STRN3: variants seen among roughly 807,000 people sequenced by gnomAD.
STRN3 encodes the protein striatin-3.
A neutral mutation model predicts 95.6 loss-of-function variants in STRN3; 29 were observed. The ratio of observed to expected loss-of-function variants is 0.30; its 90% CI spans 0.23 to 0.41. The LOEUF (loss-of-function observed/expected upper bound fraction) is 0.41, where lower values mean the gene tolerates loss of function less well. STRN3 is among the 10% of genes least tolerant of loss of function. STRN3 has a pLI of 1.00. For missense variants in STRN3, 890 were observed against 972.1 expected (o/e 0.92, Z 1.12); for synonymous variants, 331 against 357.6 (o/e 0.93, Z 0.84).
intron 1 of STRN3, among the ~76,000 whole-genome samples, chr14:30,962,104 G>A (rs1017345638): frequency 1.3e-5 from 2 of 152,044 alleles, no homozygotes; most frequent in Non-Finnish European, 2.9e-5. Context: ...ATTAACCTAG[G>A]CCTTCCTAGG....
intron 9 of STRN3, among the ~76,000 whole-genome samples, chr14:30,916,419 C>T (rs1375400294): frequency 6.6e-6 from 1 of 151,522 alleles, no homozygotes; most frequent in Non-Finnish European, 1.5e-5. Context: ...GGACTACAGG[C>T]GCCCGCCACC....
chr14:30,965,943 A>G (rs1237642589), intron 1 of STRN3, among the ~76,000 whole-genome samples: 1 of 151,924 alleles, frequency 6.6e-6, no homozygotes, highest in Non-Finnish European at 1.5e-5. Flanking sequence ...TCATAAAGCA[A>G]TCTTTTTCGA....
chr14:30,946,102 T>C (rs1378689971), intron 5 of STRN3, among the ~76,000 whole-genome samples: 1 of 152,218 alleles, frequency 6.6e-6, no homozygotes, highest in Non-Finnish European at 1.5e-5. Flanking sequence ...TAACCATTGC[T>C]CATTCTAGTG....
At chr14:30,898,653 G>A (rs1206940868) in intron 16 of STRN3, among the ~76,000 whole-genome samples, 7 of 152,120 alleles carry the variant, frequency 4.6e-5, no homozygotes, top group Non-Finnish European at 1.0e-4. Flanking sequence ...TTCCAGTAAC[G>A]AGGACCTCTC....
chr14:30,982,509 G>T (rs1182973795), intron 1 of STRN3, among the ~76,000 whole-genome samples: 2 of 152,160 alleles, frequency 1.3e-5, no homozygotes, highest in Non-Finnish European at 1.5e-5. Context: ...AGGGTTTCAT[G>T]ATGTTGGCAA....
At chr14:30,921,638 C>T (rs976323196) in intron 8 of STRN3, among the ~76,000 whole-genome samples, 2 of 152,048 alleles carry the variant, frequency 1.3e-5, no homozygotes, top group African/African-American at 4.8e-5. Context: ...CTAAACCTAT[C>T]CAATATTCTA....
chr14:30,986,270 C>T (rs577307941), intron 1 of STRN3, among the ~76,000 whole-genome samples: 1 of 152,178 alleles, frequency 6.6e-6, no homozygotes. Flanking sequence ...ACACTGGCCT[C>T]CTGAAGTGTT....
intron 3 of STRN3, among the ~76,000 whole-genome samples, chr14:30,951,305 G>A (rs1252025550): frequency 6.6e-6 from 1 of 151,804 alleles, no homozygotes; most frequent in African/African-American, 2.4e-5. Flanking sequence ...GCACCATCTC[G>A]ATTCACTGCA....
intron 1 of STRN3, among the ~76,000 whole-genome samples, chr14:31,016,760 G>A (rs1420642804): frequency 1.3e-5 from 2 of 152,050 alleles, no homozygotes; most frequent in African/African-American, 4.8e-5. Flanking sequence ...GGCCAGGCTG[G>A]TCTCAAACTC....
At chr14:31,015,402 T>C (rs904449512) in intron 1 of STRN3, among the ~76,000 whole-genome samples, 2 of 151,760 alleles carry the variant, frequency 1.3e-5, no homozygotes, top group African/African-American at 4.8e-5. Flanking sequence ...GAGACGGAGT[T>C]TCATTCATCA....
intron 1 of STRN3, among the ~76,000 whole-genome samples, chr14:30,982,023 G>T (rs901448339): frequency 1.3e-5 from 2 of 148,828 alleles, no homozygotes; most frequent in Non-Finnish European, 3.0e-5. Context: ...TTGAACCCGG[G>T]AGGCAGGGAG....
intron 4 of STRN3, among the ~76,000 whole-genome samples, chr14:30,948,558 A>G (rs550480885): frequency 9.5e-4 from 144 of 152,362 alleles, no homozygotes; most frequent in Non-Finnish European, 1.4e-3. Context: ...TAAAAGTTTC[A>G]AGAAGGAATA....
intron 7 of STRN3, among the ~76,000 whole-genome samples, chr14:30,931,773 C>T (rs1878548204): frequency 6.6e-6 from 1 of 152,154 alleles, no homozygotes. Flanking sequence ...ACACAGATGA[C>T]AGTGAAAACA....
chr14:30,917,438 T>C (rs1468283919), intron 9 of STRN3, among the ~76,000 whole-genome samples: 1 of 152,118 alleles, frequency 6.6e-6, no homozygotes, highest in African/African-American at 2.4e-5. Context: ...TTGCCTTAAA[T>C]TGCAAAACCT....
At chr14:30,931,652 A>G (rs1246149149) in intron 7 of STRN3, among the ~76,000 whole-genome samples, 1 of 152,222 alleles carries the variant, frequency 6.6e-6, no homozygotes. Flanking sequence ...ATAAATGAAC[A>G]TTCTTAAAAT....
At chr14:31,022,881 T>C (rs147038113) in intron 1 of STRN3, among the ~76,000 whole-genome samples, 11 of 152,190 alleles carry the variant, frequency 7.2e-5, no homozygotes, top group Non-Finnish European at 1.0e-4. Flanking sequence ...TTCTAACTTT[T>C]AGAAGTCGTA....
At chr14:30,974,622 A>AC (rs1352026847) in intron 1 of STRN3, among the ~76,000 whole-genome samples, 6 of 151,542 alleles carry the variant, frequency 4.0e-5, no homozygotes, top group African/African-American at 1.5e-4. Context: ...AAAAAAAAAA[A>AC]ACCTTGAAAA....
intron 15 of STRN3, 140 bp from the exon 16 acceptor site, chr14:30,902,783 C>A: frequency 1.6e-6 from 1 of 608,246 alleles, no homozygotes; most frequent in South Asian, 2.1e-5. Context: ...GAGAACCAAA[C>A]AAGGACTCTA....
At chr14:30,918,798 A>G (rs1896807171) in intron 9 of STRN3, among the ~76,000 whole-genome samples, 168 bp downstream of exon 9, 2 of 152,210 alleles carry the variant, frequency 1.3e-5, no homozygotes, top group Admixed American at 1.3e-4. Flanking sequence ...GAAACCAGAA[A>G]TGTCAAAATC....
Sources: gnomAD v4.1 joint callset for allele counts (sites outside exome capture counted in the v4.1 genomes callset) on GRCh38, gnomAD v4.1.1 for gene constraint, MANE v1.5 for transcripts, NCBI Gene and HGNC (gene_info 2026-07-23, HGNC 2026-07-21) for gene names.